The following LIPA variants were observed in gnomAD, a reference collection of about 807,000 sequenced individuals.
The protein encoded by LIPA is lysosomal acid lipase/cholesteryl ester hydrolase.
In LIPA, 26 loss-of-function variants were observed where a neutral mutation model predicts 40.6. That is an observed-to-expected ratio of 0.64 (90% CI 0.47 to 0.89). The LOEUF is 0.89. Among genes scored for constraint, LIPA ranks in the 40% least tolerant of loss-of-function variants. The probability of loss-of-function intolerance (pLI) is 0.00; values close to 1 mark genes in which losing one functional copy is unlikely to be tolerated. For synonymous variants in LIPA, 188 were observed against 168.4 expected, an observed-to-expected ratio of 1.12 and a Z score of -0.90; for missense variants, 455 against 479.6, an observed-to-expected ratio of 0.95 and a Z score of 0.48.
At chr10:89,381,728 C>T (rs1045701874) in intron 2 of LIPA, among the ~76,000 whole-genome samples, 9 of 152,238 alleles carry the variant, frequency 5.9e-5, no homozygotes, top group African/African-American at 2.2e-4. Context: ...CTTTGTGGTG[C>T]TATTCATTAT....
chr10:89,366,638 C>T (rs913575306), intron 2 of LIPA, among the ~76,000 whole-genome samples: 59 of 152,260 alleles, frequency 3.9e-4, no homozygotes, highest in Admixed American at 6.5e-4. Flanking sequence ...CTATCTCACA[C>T]CAGTTAGAAT....
At chr10:89,412,970 A>G (rs1841487288) in intron 1 of LIPA, 1 of 198,426 alleles carries the variant, frequency 5.0e-6, no homozygotes, top group Admixed American at 5.9e-5. Context: ...TATTAAGCTC[A>G]GCATCACTTA....
At chr10:89,295,188 T>G (rs1843405995) in intron 1 of LIPA, among the ~76,000 whole-genome samples, 1 of 151,760 alleles carries the variant, frequency 6.6e-6, no homozygotes, top group Non-Finnish European at 1.5e-5. Context: ...CAGAAGGGAA[T>G]GTCATATAGG....
intron 1 of LIPA, among the ~76,000 whole-genome samples, chr10:89,300,181 A>G (rs1458344416): frequency 1.3e-5 from 2 of 152,230 alleles, no homozygotes; most frequent in African/African-American, 4.8e-5. Flanking sequence ...AATGACAAAT[A>G]CTGCATGTTC....
intron 2 of LIPA, among the ~76,000 whole-genome samples, chr10:89,351,228 A>C (rs532312393): frequency 2.0e-5 from 3 of 152,300 alleles, no homozygotes; most frequent in South Asian, 2.1e-4. Context: ...AGGTAGGAAG[A>C]CGGCTTGAGC....
chr10:89,217,173 T>C lies in LIPA; in HGVS notation c.895-1164A>G, dbSNP rs528866116. On this transcript the variant is annotated intron_variant, in intron 8 of 9. Coordinates refer to ENST00000336233, the MANE Select transcript of LIPA (RefSeq NM_000235.4). ...TAAGTTTTGGCCACAAGGTGGCGCC[T>C]GGTAAAAAGAAATGCTCAGACATTC... 5.4e-4 allele frequency among the ~76,000 whole-genome samples: 82 copies of C among 152,304 alleles called. 2 individuals carry two copies. The Middle Eastern group carries it at 0.034, about 63-fold the overall frequency.
At chr10:89,289,999 G>T (rs200671109) in intron 1 of LIPA, among the ~76,000 whole-genome samples, 9 of 130,618 alleles carry the variant, frequency 6.9e-5, no homozygotes, top group South Asian at 2.8e-4. Flanking sequence ...AAAAAAAAAG[G>T]GTGGGGGGGA....
intron 2 of LIPA, chr10:89,392,637 A>G (rs1216716423): frequency 1.3e-6 from 2 of 1,545,234 alleles, no homozygotes; most frequent in Non-Finnish European, 1.8e-6. Flanking sequence ...GAAAATCCAC[A>G]AGACAGAATA....
Position 89,335,073 on chromosome 10 carries a change from T to C in LIPA, c.-2+7538A>G, listed in dbSNP as rs186052252. On this transcript the variant is annotated intron_variant, in intron 1 of 5. Transcript: ENST00000282673. Reference sequence around the variant, plus strand: ...CGAGGTCTCAGGCCTTCCAGTCCAATATATTTTGCTCCAAATTTTACTTCA... The same window carrying C: ...CGAGGTCTCAGGCCTTCCAGTCCAACATATTTTGCTCCAAATTTTACTTCA... Among the ~76,000 whole-genome samples, 33 of 152,248 alleles carry C rather than the reference T, an allele frequency of 2.2e-4. 1 individual carries two copies. The highest frequency in any genetic ancestry group is 1.4e-3 in the Admixed American group (22 of 15,300).
intron 2 of LIPA, chr10:89,393,295 GC>G: frequency 7.8e-7 from 1 of 1,289,278 alleles, no homozygotes; most frequent in Non-Finnish European, 1.0e-6. Flanking sequence ...ATCAGGCTGA[GC>G]TTAAGATAAA....
rs115889955 is a variant in LIPA, at chr10:89,216,620, C to T, written c.895-611G>A. On this transcript the variant is annotated intron_variant, in intron 8 of 9. Transcript: ENST00000336233. ...TTTAAAACAGTGTAACACCTACTTA[C>T]ATAGCGTTTACATTGTATTAAGCAT... Among the ~76,000 whole-genome samples, 498 of 152,184 alleles carry T rather than the reference C, an allele frequency of 3.3e-3. 1 individual carries two copies. The highest frequency in any genetic ancestry group is 0.011 in the African/African-American group (475 of 41,522).
At chr10:89,346,646 G>A (rs1843924111), upstream of LIPA, among the ~76,000 whole-genome samples, 1 of 152,168 alleles carries the variant, frequency 6.6e-6, no homozygotes, top group African/African-American at 2.4e-5. Flanking sequence ...GAAAGACATT[G>A]ACTCCAGTCT....
chr10:89,390,148 G>A (rs1430999090), intron 2 of LIPA, among the ~76,000 whole-genome samples: 7 of 151,720 alleles, frequency 4.6e-5, no homozygotes, highest in South Asian at 2.1e-4. Context: ...CACCACGCCC[G>A]GCTAATTATG....
At chr10:89,235,504 G>A (rs550585197) in intron 3 of LIPA, among the ~76,000 whole-genome samples, 2 of 152,390 alleles carry the variant, frequency 1.3e-5, no homozygotes, top group East Asian at 3.9e-4. Flanking sequence ...TGCCTTCCCA[G>A]TGTGGGTGGA....
At chr10:89,264,478 G>A (rs1349881660) in intron 1 of LIPA, among the ~76,000 whole-genome samples, 1 of 152,108 alleles carries the variant, frequency 6.6e-6, no homozygotes, top group African/African-American at 2.4e-5. Context: ...CAGACCTGGA[G>A]TGGGTAGCTC....
chr10:89,262,051 C>G (rs1843213712), intron 1 of LIPA, among the ~76,000 whole-genome samples: 1 of 152,136 alleles, frequency 6.6e-6, no homozygotes. Flanking sequence ...ACTCACCTAC[C>G]CAATGCTTAC....
At chr10:89,327,641 C>T (rs2133537154) in intron 1 of LIPA, among the ~76,000 whole-genome samples, 1 of 152,296 alleles carries the variant, frequency 6.6e-6, no homozygotes, top group Non-Finnish European at 1.5e-5. Context: ...TCCAGCTTCC[C>T]CTTCACATCA....
chr10:89,338,194 C>G (rs1376734214), intron 1 of LIPA: 1 of 157,244 alleles, frequency 6.4e-6, no homozygotes, highest in Non-Finnish European at 1.4e-5. Flanking sequence ...AATTGGCTCA[C>G]CTGATTATGG....
intron 2 of LIPA, among the ~76,000 whole-genome samples, chr10:89,380,387 GC>G (rs1844154139): frequency 2.6e-5 from 4 of 151,954 alleles, no homozygotes; most frequent in Admixed American, 2.6e-4. Flanking sequence ...GTCCCTGTCT[GC>G]CACAGGCATA....
Sources: gnomAD v4.1 joint callset for allele counts (sites outside exome capture counted in the v4.1 genomes callset) on GRCh38, gnomAD v4.1.1 for gene constraint, MANE v1.5 for transcripts, NCBI Gene and HGNC (gene_info 2026-07-23, HGNC 2026-07-21) for gene names.